The following C4BPA variants were observed in gnomAD, a reference collection of about 807,000 sequenced individuals.
The protein encoded by C4BPA is C4b-binding protein alpha chain.
In C4BPA, 31 loss-of-function variants were observed where a neutral mutation model predicts 63.7. The ratio of observed to expected loss-of-function variants is 0.49; its 90% CI spans 0.37 to 0.66. The LOEUF (loss-of-function observed/expected upper bound fraction) is 0.66. C4BPA is among the 30% of genes least tolerant of loss of function. C4BPA has a pLI of 0.00. For missense variants in C4BPA, 572 were observed against 723.3 expected (o/e 0.79, Z 2.40); for synonymous variants, 259 against 254.7 (o/e 1.02, Z -0.16).
chr1:207,123,237 A>G (rs1558091252), intron 4 of C4BPA, among the ~76,000 whole-genome samples: 1 of 152,172 alleles, frequency 6.6e-6, no homozygotes, highest in Non-Finnish European at 1.5e-5. Context: ...GTTGAGATAT[A>G]TTTTCTTGAA....
rs1553255315 is a variant in C4BPA at position 207,108,361 on chromosome 1, A to AT, written c.-26+3933dup. ...AGAATTACACTTTTCTGAGGTTAAA[A>AT]TTACTGTCATGTGGCAGAGCAATCT... On this transcript the variant is annotated intron_variant, in intron 1 of 11. Coordinates refer to ENST00000367070, the MANE Select transcript of C4BPA (RefSeq NM_000715.4). 8.8e-3 allele frequency among the ~76,000 whole-genome samples: 1,340 copies of AT among 152,098 alleles called. 8 individuals are homozygous for AT. The highest frequency in any genetic ancestry group is 0.023 in the African/African-American group (960 of 41,446).
At chr1:207,129,412 CA>C (rs71640104) in intron 7 of C4BPA, among the ~76,000 whole-genome samples, 15 of 137,070 alleles carry the variant, frequency 1.1e-4, no homozygotes, top group Non-Finnish European at 1.9e-4. Context: ...CAAATTTGAC[CA>C]AAAAAAAAAA....
Position 207,114,223 on chromosome 1 carries a change from A to G in C4BPA, c.266A>G (p.His89Arg). Reference sequence around the variant, plus strand: ...TGCCTCCCTGGCTACGTCAGATCCCATTCAACTCAGACGCTTACCTGTAAT... The same window carrying G: ...TGCCTCCCTGGCTACGTCAGATCCCGTTCAACTCAGACGCTTACCTGTAAT... ...YTCLPGYVRS[H>R]STQTLTCNSD... The change falls in exon 3 of 12, where the codon CAT becomes CGT. Residue 89 changes from histidine (H) to arginine (R), a missense_variant. Physicochemically the swap from His to Arg is conservative, Grantham distance 29 (BLOSUM62 0). This residue lies in a region of C4BPA where 465 missense variants were observed against 629.4 expected (regional missense o/e 0.74). Transcript: ENST00000367070. The G allele has an allele frequency of 2.5e-6, 4 of 1,613,780 alleles. No individual in the cohort carries two copies. The highest frequency in any genetic ancestry group is 3.4e-6 in the Non-Finnish European group (4 of 1,179,782).
chr1:207,115,331 G>A, intron 3 of C4BPA, 85 bp from the exon 4 acceptor site: 1 of 706,524 alleles, frequency 1.4e-6, no homozygotes, highest in South Asian at 1.8e-5. Flanking sequence ...AAGCAGAGGT[G>A]AACCTTGGTT....
intron 7 of C4BPA, among the ~76,000 whole-genome samples, chr1:207,129,809 A>G (rs538107468): frequency 6.6e-6 from 1 of 152,282 alleles, no homozygotes; most frequent in Admixed American, 6.5e-5. Context: ...CTTTTATAGT[A>G]GCTGAGAGAA....
intron 9 of C4BPA, among the ~76,000 whole-genome samples, chr1:207,136,159 C>T (rs998363039): frequency 1.3e-5 from 2 of 152,136 alleles, no homozygotes; most frequent in South Asian, 2.1e-4. Context: ...GTTGTTGGCA[C>T]GTTGGAGATT....
In C4BPA at chr1:207,143,826, C is replaced by A; in HGVS notation, c.1453C>A (p.Arg485=). 1.9e-6 allele frequency: 3 copies of A among 1,610,932 alleles called. No individual in the cohort carries two copies. The highest frequency in any genetic ancestry group is 1.3e-5 in the African/African-American group (1 of 74,926). Reference sequence around the variant, plus strand: ...ATATGTTTCCATTACAGCTCTGTGTCGGAAACCAGAATTAGTGAATGGAAG... The same window carrying A: ...ATATGTTTCCATTACAGCTCTGTGTAGGAAACCAGAATTAGTGAATGGAAG... ...APAPQCKALC[R]KPELVNGRLS... is the part of the protein sequence containing the mutation. Residue 485 remains arginine (R), a synonymous_variant, in exon 11 of 12, where the codon CGG becomes AGG. Coordinates refer to ENST00000367070, the MANE Select transcript of C4BPA (RefSeq NM_000715.4).
At position 207,124,018 on chromosome 1, in the gene C4BPA, A is replaced by G. The variant is rs1163406084; in HGVS notation, c.514+11A>G. 1.9e-6 allele frequency: 3 copies of G among 1,582,738 alleles called. No homozygotes were observed. In the Admixed American group the frequency reaches 5.0e-5, roughly 27 times the overall value. ...TCCCACAATGTGAAAGTAAGTAAAG[A>G]CTCTTCTGACTTGACTATCAATTTA... is the stretch of plus-strand genomic sequence containing the variant. On this transcript the variant is annotated intron_variant, in intron 5 of 11. Coordinates refer to ENST00000367070, the MANE Select transcript of C4BPA (RefSeq NM_000715.4).
At chr1:207,123,874 T>C (rs1467850281) in intron 4 of C4BPA, 48 bp from the exon 5 acceptor site, 1 of 1,071,478 alleles carries the variant, frequency 9.3e-7, no homozygotes, top group South Asian at 1.3e-5. Context: ...TTTAATTTAA[T>C]TTAGGGTAGG....
intron 9 of C4BPA, among the ~76,000 whole-genome samples, chr1:207,140,679 G>A (rs1685395250): frequency 6.6e-6 from 1 of 152,136 alleles, no homozygotes; most frequent in Non-Finnish European, 1.5e-5. Flanking sequence ...TCTTGGGCAT[G>A]GATGGACAGT....
intron 4 of C4BPA, among the ~76,000 whole-genome samples, chr1:207,122,824 T>C (rs563079381): frequency 1.3e-5 from 2 of 152,302 alleles, no homozygotes; most frequent in African/African-American, 4.8e-5. Context: ...TTCACCTGCC[T>C]CAGCGTCCCA....
chr1:207,114,139 C>T lies in C4BPA; in HGVS notation c.182C>T (p.Pro61Leu), dbSNP rs762579470. Residue 61 changes from proline to leucine, a missense_variant, in exon 3 of 12, where the codon CCG (proline) becomes CTG (leucine). Coordinates refer to ENST00000367070, the MANE Select transcript of C4BPA (RefSeq NM_000715.4). ...CCACCCACTTTATCATTTGCTGCCC[C>T]GATGGATATTACGTTGACTGAGACA... ...GPPPTLSFAA[P>L]MDITLTETRF... is the part of the protein sequence containing the mutation. The T allele has an allele frequency of 4.3e-6, 7 of 1,613,326 alleles. No individual in the cohort carries two copies. The highest frequency in any genetic ancestry group is 2.2e-5 in the South Asian group (2 of 91,036).
rs1007706122 is a variant in C4BPA, at chr1:207,142,957, C to T, written c.1445-861C>T. 3.9e-5 allele frequency among the ~76,000 whole-genome samples: 6 copies of T among 152,124 alleles called. No homozygotes were observed. The South Asian group carries it at 6.2e-4, about 16-fold the overall frequency. On this transcript the variant is annotated intron_variant, in intron 10 of 11. Transcript: ENST00000367070. The stretch of plus-strand genomic sequence containing the variant: ...TCCTCAAGGATCTAGAACTAAAATA[C>T]GATTTGACCCAGCAATCCCATTACT...
chr1:207,140,859 A>T (rs1174128603), intron 9 of C4BPA, among the ~76,000 whole-genome samples: 1 of 152,186 alleles, frequency 6.6e-6, no homozygotes, highest in African/African-American at 2.4e-5. Flanking sequence ...AAACAATGGA[A>T]AGTTGAGTGA....
intron 7 of C4BPA, among the ~76,000 whole-genome samples, chr1:207,128,135 G>A (rs1685084365): frequency 1.3e-5 from 2 of 152,098 alleles, no homozygotes; most frequent in South Asian, 2.1e-4. Flanking sequence ...TGGCTCAGCA[G>A]CCAAGTGGCA....
intron 8 of C4BPA, 126 bp from the exon 9 acceptor site, chr1:207,134,278 T>C (rs1685231325): frequency 2.9e-6 from 2 of 699,804 alleles, no homozygotes; most frequent in East Asian, 5.3e-5. Flanking sequence ...GTCTTGGGTC[T>C]CCCTTTCTGT....
Position 207,131,613 on chromosome 1 carries a change from G to A in C4BPA, c.957G>A (p.Glu319=). 6.2e-7 allele frequency: 1 copy of A among 1,613,428 alleles called. No individual in the cohort carries two copies. The highest frequency in any genetic ancestry group is 8.5e-7 in the Non-Finnish European group (1 of 1,179,456). Residue 319 remains glutamate (E), a synonymous_variant, in exon 8 of 12, where the codon GAG becomes GAA. Coordinates refer to ENST00000367070, the MANE Select transcript of C4BPA (RefSeq NM_000715.4). ...SWETYPRPTK[E]DVYVVGTVLR... is the part of the protein sequence containing the mutation. ...AAACATATCCTAGGCCGACAAAAGAGGATGTGTATGTTGTTGGGACTGTGT... is the reference window on the plus strand; with the variant it reads ...AAACATATCCTAGGCCGACAAAAGAAGATGTGTATGTTGTTGGGACTGTGT...
intron 9 of C4BPA, among the ~76,000 whole-genome samples, chr1:207,136,996 C>T (rs1341069457): frequency 6.6e-6 from 1 of 152,222 alleles, no homozygotes; most frequent in Non-Finnish European, 1.5e-5. Context: ...AAATTTATTG[C>T]TCCTAGCCAA....
At chr1:207,131,525 T>C in intron 7 of C4BPA, 21 bp from the exon 8 acceptor site, 1 of 1,563,968 alleles carries the variant, frequency 6.4e-7, no homozygotes, top group South Asian at 1.1e-5. Flanking sequence ...TTTGTTCTTC[T>C]TCTTCTTCTT....
Sources: gnomAD v4.1 joint callset for allele counts (sites outside exome capture counted in the v4.1 genomes callset) on GRCh38, gnomAD v4.1.1 for gene constraint, gnomAD v4.1.1 regional missense constraint, MANE v1.5 for transcripts, NCBI Gene and HGNC (gene_info 2026-07-23, HGNC 2026-07-21) for gene names.